FADS6: variants seen among roughly 807,000 people sequenced by gnomAD.
FADS6 encodes the protein fatty acid desaturase 6, also known as fatty acid desaturase domain family, member 6.
In FADS6, 28 loss-of-function variants were observed where a neutral mutation model predicts 31.7. The ratio of observed to expected loss-of-function variants is 0.88; its 90% confidence interval spans 0.66 to 1.21. FADS6 has a LOEUF of 1.21. Among genes scored for constraint, FADS6 ranks in the 50% most tolerant of loss-of-function variants. FADS6 has a pLI of 0.00. For missense variants in FADS6, 494 were observed against 504.2 expected, an observed-to-expected ratio of 0.98 and a Z score of 0.19; for synonymous variants, 191 against 213.1, an observed-to-expected ratio of 0.90 and a Z score of 0.90.
chr17:74,892,364 T>C (rs1013731672), intron 2 of FADS6, among the ~76,000 whole-genome samples, 159 bp downstream of exon 2: 1 of 152,210 alleles, frequency 6.6e-6, no homozygotes, highest in African/African-American at 2.4e-5. Context: ...TCAGACACGC[T>C]GTAGTGCATA....
chr17:74,876,882 C>T (rs1175846782), downstream of FADS6, among the ~76,000 whole-genome samples: 3 of 152,126 alleles, frequency 2.0e-5, no homozygotes, highest in Non-Finnish European at 4.4e-5. Flanking sequence ...TCTCCCTCAG[C>T]CTCCACCTGG....
rs59882858 is a variant in FADS6 at position 74,893,110 on chromosome 17, C to CCCTCCTGCCATCAGTCCCCTCCCT, written c.244+241_244+242insAGGGAGGGGACTGATGGCAGGAGG. On this transcript the variant is annotated intron_variant, in intron 1 of 5. Coordinates refer to ENST00000612771, the MANE Select transcript of FADS6 (RefSeq NM_178128.6). ...CTCCTCTCAACTTTCCCTTCCACCACCCTCCTGCGCCCCCTCCTAGGGTAC... is the reference window on the plus strand; with the variant it reads ...CTCCTCTCAACTTTCCCTTCCACCACCCTCCTGCCATCAGTCCCCTCCCTCCTCCTGCGCCCCCTCCTAGGGTAC... Among the ~76,000 whole-genome samples, 4 of 152,058 alleles carry CCCTCCTGCCATCAGTCCCCTCCCT rather than the reference C, an allele frequency of 2.6e-5. 1 individual carries two copies. The South Asian group carries it at 8.3e-4, about 32-fold the overall frequency.
rs35456871 is a variant in FADS6, at chr17:74,881,732, GAA to G, written c.593-479_593-478del. Among the ~76,000 whole-genome samples, 260 of 112,188 alleles carry G rather than the reference GAA, an allele frequency of 2.3e-3. 2 individuals are homozygous for G. The highest frequency in any genetic ancestry group is 4.7e-3 in the African/African-American group (126 of 26,826). 73.6% of individuals were successfully genotyped at this position (112,188 alleles called of 152,430 possible). On this transcript the variant is annotated intron_variant, in intron 3 of 5. Transcript: ENST00000612771. ...AGCCTGGGCAACAGAGCAAGACTCT[GAA>G]AAAAAAAAAAAAAGAAAGAAAAGAA... is the stretch of plus-strand genomic sequence containing the variant.
At chr17:74,883,192 T>C (rs2038591544) in intron 2 of FADS6, among the ~76,000 whole-genome samples, 1 of 152,186 alleles carries the variant, frequency 6.6e-6, no homozygotes, top group African/African-American at 2.4e-5. Context: ...CCCTGACCAG[T>C]CCACAAGGTG....
chr17:74,888,903 C>A (rs2038659817), intron 2 of FADS6, among the ~76,000 whole-genome samples: 1 of 152,216 alleles, frequency 6.6e-6, no homozygotes, highest in South Asian at 2.1e-4. Context: ...CATTGGCAGT[C>A]CCTGAGAATA....
chr17:74,886,346 G>A (rs2038622900), intron 2 of FADS6, among the ~76,000 whole-genome samples: 1 of 149,720 alleles, frequency 6.7e-6, no homozygotes. Context: ...TGTACTCCCA[G>A]CTACTTGGGA....
At chr17:74,892,828 T>G (rs1243249181) in intron 1 of FADS6, 139 bp from the exon 2 acceptor site, 2 of 836,622 alleles carry the variant, frequency 2.4e-6, no homozygotes, top group Non-Finnish European at 3.6e-6. Flanking sequence ...GTGAGGCAGG[T>G]CCCACTGTGG....
In FADS6 at chr17:74,877,921, G is replaced by C. The variant is rs540393012; in HGVS notation, c.*410C>G. On this transcript the variant is annotated 3_prime_UTR_variant, in exon 6 of 6. Transcript: ENST00000612771. Reference sequence around the variant, plus strand: ...CTCTCCCAATGCCAGGGAGGTCCCAGCCGAGGGAGCTGACCCTGTTCTCTC... The same window carrying C: ...CTCTCCCAATGCCAGGGAGGTCCCACCCGAGGGAGCTGACCCTGTTCTCTC... 5.0e-4 allele frequency: 493 copies of C among 992,498 alleles called. 1 individual carries two copies. In the African/African-American group the frequency reaches 8.0e-3, roughly 16 times the overall value. 61.5% of individuals were successfully genotyped at this position (992,498 alleles called of 1,614,324 possible).
intron 5 of FADS6, chr17:74,879,111 T>C (rs1598552638): frequency 3.1e-6 from 1 of 320,364 alleles, no homozygotes; most frequent in East Asian, 7.7e-5. Flanking sequence ...CGATTATGGT[T>C]CATTGCAGCC....
Position 74,881,141 on chromosome 17 carries a change from C to G in FADS6, c.707G>C (p.Ser236Thr). 2 of 1,613,552 alleles carry G rather than the reference C, an allele frequency of 1.2e-6. No homozygotes were observed. The highest frequency in any genetic ancestry group is 1.7e-6 in the Non-Finnish European group (2 of 1,179,758). Residue 236 changes from serine (S) to threonine (T), a missense_variant, in exon 4 of 6, where the codon AGC (serine) becomes ACC (threonine). This residue lies in a region of FADS6 where 454 missense variants were observed against 438.5 expected (regional missense o/e 1.04). Coordinates refer to ENST00000612771, the MANE Select transcript of FADS6 (RefSeq NM_178128.6). The stretch of plus-strand genomic sequence containing the variant: ...GAGGAACATGCAGCCCAGGGCTGAG[C>G]TGGGGTTCTTGAAGCCTGACACGTT... ...LLNVSGFKNP[S>T]SALGCMFLTR... is the part of the protein sequence containing the mutation.
In FADS6 at chr17:74,881,215, C is replaced by T. The variant is rs745435837; in HGVS notation, c.633G>A (p.Thr211=). The T allele has an allele frequency of 1.9e-6, 3 of 1,608,436 alleles. No homozygotes were observed. Among genetic ancestry groups the T allele is most frequent in the East Asian group, 2.2e-5 (1 of 44,660 alleles). ...AAAGGCCCAGAGAAATCAGGGCCAG[C>T]GTCCGCAGGGCTGTCCCGAGCTCCA... is the stretch of plus-strand genomic sequence containing the variant. ...RKVELGTALR[T]LALISLGLYS... The change falls in exon 4 of 6, where the codon ACG becomes ACA. Residue 211 remains threonine (T), a synonymous_variant. Transcript: ENST00000612771.
At chr17:74,884,739 G>C (rs1189627545) in intron 2 of FADS6, among the ~76,000 whole-genome samples, 1 of 151,580 alleles carries the variant, frequency 6.6e-6, no homozygotes, top group Admixed American at 6.6e-5. Context: ...TCCGAGTCTT[G>C]CTCTCTTGCC....
intron 2 of FADS6, among the ~76,000 whole-genome samples, chr17:74,887,617 T>C (rs917202136): frequency 1.3e-5 from 2 of 152,216 alleles, no homozygotes; most frequent in African/African-American, 4.8e-5. Flanking sequence ...GAGGTGCGAC[T>C]CTGAAATGAG....
intron 2 of FADS6, among the ~76,000 whole-genome samples, chr17:74,891,465 G>A (rs913401749): frequency 3.9e-5 from 6 of 152,048 alleles, no homozygotes; most frequent in Non-Finnish European, 7.4e-5. Flanking sequence ...CAAACTTGGC[G>A]GGCAGCTGAC....
chr17:74,893,564 T>C lies in FADS6; in HGVS notation c.32A>G (p.Glu11Gly). The change falls in exon 1 of 6, where the codon GAG becomes GGG. Residue 11 changes from glutamate to glycine, a missense_variant. By Grantham distance (98) the Glu-to-Gly change is moderately conservative (BLOSUM62 -2). Around this residue, in one of 2 missense-constraint regions of FADS6, gnomAD observed 40 missense variants for 65.7 expected, o/e 0.61. Transcript: ENST00000612771. MEPTEPMEPT[E>G]PMEPTEPMEP... ...CATGGGCTCCGTAGGTTCCATGGGC[T>C]CCGTAGGTTCCATCGGCTCCGTGGG... The C allele has an allele frequency of 1.4e-6, 2 of 1,380,762 alleles. No homozygotes were observed. Among genetic ancestry groups the C allele is most frequent in the Non-Finnish European group, 9.5e-7 (1 of 1,057,684 alleles). The allele number at this position is 1,380,762 out of a possible 1,614,324, so 85.5% of individuals were successfully genotyped here. A position where few individuals can be genotyped will look rare whatever the true frequency, so the allele number is the denominator to read the frequency against.
intron 2 of FADS6, among the ~76,000 whole-genome samples, chr17:74,884,128 G>A (rs1052369827): frequency 2.0e-5 from 3 of 152,080 alleles, no homozygotes; most frequent in Non-Finnish European, 4.4e-5. Context: ...CCGACTGTAC[G>A]GGACCCACTC....
chr17:74,884,534 A>G (rs1200878474), intron 2 of FADS6, among the ~76,000 whole-genome samples: 1 of 152,184 alleles, frequency 6.6e-6, no homozygotes, highest in African/African-American at 2.4e-5. Flanking sequence ...AGCGTTCTGC[A>G]GGCTGCACAG....
chr17:74,889,540 A>C (rs891968142), intron 2 of FADS6, among the ~76,000 whole-genome samples: 1 of 151,914 alleles, frequency 6.6e-6, no homozygotes, highest in African/African-American at 2.4e-5. Context: ...GCAGTTAAAA[A>C]AACAACAAAA....
chr17:74,893,071 C>T lies in FADS6; in HGVS notation c.244+281G>A, dbSNP rs532090707. Among the ~76,000 whole-genome samples, 15 of 152,248 alleles carry T rather than the reference C, an allele frequency of 9.9e-5. No individual in the cohort carries two copies. In the South Asian group the frequency reaches 2.9e-3, roughly 29 times the overall value. On this transcript the variant is annotated intron_variant, in intron 1 of 5. Coordinates refer to ENST00000612771, the MANE Select transcript of FADS6 (RefSeq NM_178128.6). ...GGGTGGGGGGGCACCTCATCACTCCCGGCCACTCCCCCGCTCCTCTCAACT... is the reference window on the plus strand; with the variant it reads ...GGGTGGGGGGGCACCTCATCACTCCTGGCCACTCCCCCGCTCCTCTCAACT...
Sources: gnomAD v4.1 joint callset for allele counts (sites outside exome capture counted in the v4.1 genomes callset) on GRCh38, gnomAD v4.1.1 for gene constraint, gnomAD v4.1.1 regional missense constraint, MANE v1.5 for transcripts, NCBI Gene and HGNC (gene_info 2026-07-23, HGNC 2026-07-21) for gene names.